The following DPP10 variants were observed in gnomAD, a reference collection of about 807,000 sequenced individuals.
DPP10 encodes dipeptidyl peptidase like 10.
DPP10 carries 33 observed loss-of-function variants against 120.9 expected under a neutral mutation model. The observed-to-expected ratio is 0.27, with a 90% CI of 0.21 to 0.37. The LOEUF (loss-of-function observed/expected upper bound fraction) is 0.37. Among genes scored for constraint, DPP10 ranks in the 10% least tolerant of loss-of-function variants. The pLI is 1.00. For missense variants in DPP10, 816 were observed against 942.8 expected, an observed-to-expected ratio of 0.87 and a Z score of 1.76; for synonymous variants, 337 against 326.1, an observed-to-expected ratio of 1.03 and a Z score of -0.36.
chr2:114,663,236 TTG>T (rs200462192), intron 1 of DPP10, among the ~76,000 whole-genome samples: 108 of 139,062 alleles, frequency 7.8e-4, no homozygotes, highest in African/African-American at 2.2e-3. Context: ...ATTAAGAGCC[TTG>T]TGTGTGTATA....
chr2:114,704,568 G>A (rs940575423), intron 1 of DPP10, among the ~76,000 whole-genome samples: 1 of 152,090 alleles, frequency 6.6e-6, no homozygotes, highest in Non-Finnish European at 1.5e-5. Context: ...CCATTTGCAG[G>A]GTCATTATGG....
intron 1 of DPP10, among the ~76,000 whole-genome samples, chr2:115,009,989 C>A (rs1702144946): frequency 6.6e-6 from 1 of 152,090 alleles, no homozygotes; most frequent in Admixed American, 6.6e-5. Flanking sequence ...TTGGCATCTA[C>A]TTCTTCATTT....
intron 1 of DPP10, among the ~76,000 whole-genome samples, chr2:114,773,355 C>G (rs1335619653): frequency 2.1e-5 from 1 of 48,406 alleles, no homozygotes; most frequent in Non-Finnish European, 5.2e-5. Flanking sequence ...CAAATTATAA[C>G]TCAGCAGGCC....
intron 7 of DPP10, among the ~76,000 whole-genome samples, chr2:115,695,485 T>C (rs138164065): frequency 4.6e-5 from 7 of 152,198 alleles, no homozygotes; most frequent in Non-Finnish European, 8.8e-5. Flanking sequence ...AGTCACGTCT[T>C]ACATGGCAGT....
At chr2:115,094,839 G>T (rs1405961542) in intron 1 of DPP10, among the ~76,000 whole-genome samples, 2 of 152,074 alleles carry the variant, frequency 1.3e-5, no homozygotes, top group South Asian at 2.1e-4. Flanking sequence ...ACTTACGAGG[G>T]TTTAAAAATA....
At chr2:115,355,382 G>C (rs1009955465) in intron 3 of DPP10, among the ~76,000 whole-genome samples, 1 of 151,944 alleles carries the variant, frequency 6.6e-6, no homozygotes, top group African/African-American at 2.4e-5. Flanking sequence ...TCTGTTCTTA[G>C]CCTTTGCCCA....
intron 1 of DPP10, among the ~76,000 whole-genome samples, chr2:114,985,884 G>A (rs1000084284): frequency 2.6e-5 from 4 of 152,016 alleles, no homozygotes; most frequent in Admixed American, 6.6e-5. Context: ...ATCATTATAC[G>A]AGCATAATTA....
chr2:114,486,214 G>A (rs867396541), intron 1 of DPP10, among the ~76,000 whole-genome samples: 6 of 152,034 alleles, frequency 3.9e-5, no homozygotes, highest in East Asian at 3.9e-4. Flanking sequence ...TTATGAGTGC[G>A]TGTGATGTTG....
chr2:114,638,767 C>T (rs1437011844), intron 1 of DPP10, among the ~76,000 whole-genome samples: 1 of 151,622 alleles, frequency 6.6e-6, no homozygotes, highest in Non-Finnish European at 1.5e-5. Flanking sequence ...ACGGTTAGAC[C>T]CAGAAATCCA....
At chr2:115,269,001 G>T (rs923465359) in intron 1 of DPP10, among the ~76,000 whole-genome samples, 1 of 152,114 alleles carries the variant, frequency 6.6e-6, no homozygotes, top group African/African-American at 2.4e-5. Context: ...ACAAAAATTA[G>T]CTGGGCGTGG....
At chr2:115,711,174 A>G (rs543335464) in intron 7 of DPP10, among the ~76,000 whole-genome samples, 1 of 152,250 alleles carries the variant, frequency 6.6e-6, no homozygotes, top group South Asian at 2.1e-4. Context: ...AGGGGAGTGA[A>G]TAGTGGATTC....
chr2:115,372,251 AAG>A (rs1185077184), intron 3 of DPP10, among the ~76,000 whole-genome samples: 2 of 152,166 alleles, frequency 1.3e-5, no homozygotes, highest in African/African-American at 2.4e-5. Flanking sequence ...AAGTAAGAAA[AAG>A]AGTACATGAA....
chr2:114,503,277 G>A (rs1323954993), intron 1 of DPP10, among the ~76,000 whole-genome samples: 3 of 152,130 alleles, frequency 2.0e-5, no homozygotes, highest in East Asian at 1.9e-4. Context: ...GTGGGACAGT[G>A]GTTTTCTTTG....
At chr2:114,904,389 G>A (rs987366856) in intron 1 of DPP10, among the ~76,000 whole-genome samples, 1 of 152,206 alleles carries the variant, frequency 6.6e-6, no homozygotes, top group African/African-American at 2.4e-5. Context: ...AGGTAGAACT[G>A]GCAAGGATTG....
At chr2:115,468,694 T>C in intron 3 of DPP10, 1 of 360,532 alleles carries the variant, frequency 2.8e-6, no homozygotes. Flanking sequence ...AAGAGCAGGC[T>C]GCTACTGAAA....
At position 115,444,062 on chromosome 2, in the gene DPP10, G is replaced by A. The variant is rs930470147; in HGVS notation, c.272-55448G>A. Among the ~76,000 whole-genome samples, 4 of 152,054 alleles carry A rather than the reference G, an allele frequency of 2.6e-5. No homozygotes were observed. In the South Asian group the frequency reaches 6.2e-4, roughly 24 times the overall value. On this transcript the variant is annotated intron_variant, in intron 3 of 25. Coordinates refer to ENST00000410059, the MANE Select transcript of DPP10 (RefSeq NM_020868.6). Reference sequence around the variant, plus strand: ...GCCCCAGGCAATACTCAAATGACTTGCCCTGCCTTTTATCTTATCCTATAG... The same window carrying A: ...GCCCCAGGCAATACTCAAATGACTTACCCTGCCTTTTATCTTATCCTATAG...
At chr2:115,499,671 T>C (rs1332440578) in intron 4 of DPP10, 67 bp downstream of exon 4, 2 of 1,149,288 alleles carry the variant, frequency 1.7e-6, no homozygotes, top group African/African-American at 3.2e-5. Context: ...TAGATGTACA[T>C]AACTTTCTAT....
chr2:115,679,181 A>C (rs2149467393), intron 5 of DPP10, among the ~76,000 whole-genome samples: 1 of 150,614 alleles, frequency 6.6e-6, no homozygotes, highest in South Asian at 2.1e-4. Context: ...TTAAAATGTG[A>C]GGACATGAGA....
chr2:115,410,601 A>G (rs1349588007), intron 3 of DPP10, among the ~76,000 whole-genome samples: 1 of 152,200 alleles, frequency 6.6e-6, no homozygotes, highest in Non-Finnish European at 1.5e-5. Flanking sequence ...AAACCTGCAC[A>G]TGCACCTGGC....
Sources: gnomAD v4.1 joint callset for allele counts (sites outside exome capture counted in the v4.1 genomes callset) on GRCh38, gnomAD v4.1.1 for gene constraint, MANE v1.5 for transcripts, NCBI Gene and HGNC (gene_info 2026-07-23, HGNC 2026-07-21) for gene names.